Variants in IRF8 observed in about 807,000 individuals in gnomAD.
The protein encoded by IRF8 is interferon regulatory factor 8.
Under a neutral mutation model 48.7 loss-of-function variants are expected in IRF8, and 14 were observed. That is an observed-to-expected ratio of 0.29 (90% confidence interval 0.19 to 0.45). The LOEUF is 0.45. Ranked by LOEUF, IRF8 falls within the 20% of genes least tolerant of loss-of-function variation. The pLI, the probability that IRF8 is intolerant of heterozygous loss-of-function variation, is 1.00. For synonymous variants in IRF8, 278 were observed against 227.3 expected, an observed-to-expected ratio of 1.22 and a Z score of -2.01; for missense variants, 493 against 580.7, an observed-to-expected ratio of 0.85 and a Z score of 1.55.
chr16:85,901,335 G>C (rs962231422), intron 1 of IRF8: 1 of 152,172 alleles, frequency 6.6e-6, no homozygotes, highest in Non-Finnish European at 1.5e-5. Flanking sequence ...TTCAAACCAA[G>C]GTCTAATTTG....
At chr16:85,910,410 C>A (rs187473425) in intron 3 of IRF8, among the ~76,000 whole-genome samples, 1 of 152,268 alleles carries the variant, frequency 6.6e-6, no homozygotes, top group African/African-American at 2.4e-5. Context: ...TAGGAGGAAA[C>A]CTCTATATAA....
In IRF8 at chr16:85,914,492, G is replaced by T. The variant is rs17444416; in HGVS notation, c.573G>T (p.Gly191=). ...QPSTGVPLVT[G]YTTYDAHHSA... ...CTGCAGGCGTGCCGCTGGTGACGGG[G>T]TACACCACCTACGACGCGCACCATT... Residue 191 remains glycine (G), a synonymous_variant, in exon 6 of 9, where the codon GGG becomes GGT. Coordinates refer to ENST00000268638, the MANE Select transcript of IRF8 (RefSeq NM_002163.4). The T allele has an allele frequency of 5.0e-6, 8 of 1,613,986 alleles. No individual in the cohort carries two copies. The African/African-American group carries it at 9.3e-5, about 19-fold the overall frequency.
intron 2 of IRF8, among the ~76,000 whole-genome samples, chr16:85,905,757 G>A (rs768096240): frequency 8.5e-5 from 13 of 152,236 alleles, no homozygotes; most frequent in African/African-American, 1.2e-4. Context: ...TTCCGGTTAT[G>A]TAGACACTTG....
chr16:85,900,208 T>C (rs796864733), intron 1 of IRF8, among the ~76,000 whole-genome samples: 13 of 151,728 alleles, frequency 8.6e-5, no homozygotes, highest in African/African-American at 3.1e-4. Context: ...GGGGAGAGGG[T>C]GGGGTCTGCT....
rs150213417 is a variant in IRF8 at position 85,915,310 on chromosome 16, C to T, written c.601+790C>T. 4.2e-3 allele frequency among the ~76,000 whole-genome samples: 644 copies of T among 152,272 alleles called. 12 individuals carry two copies. The highest frequency in any genetic ancestry group is 0.029 in the Admixed American group (439 of 15,288). On this transcript the variant is annotated intron_variant, in intron 6 of 8. Transcript: ENST00000268638. ...CAGCATTGGCTGGTTCTGTGGGAGG[C>T]GAGCAGCTGGTCTCATCAGATGGGC...
intron 1 of IRF8, among the ~76,000 whole-genome samples, chr16:85,902,191 T>C (rs11649549): frequency 0.2 from 29,811 of 152,048 alleles, 2,992 homozygotes; most frequent in African/African-American, 0.25. Flanking sequence ...GCAGTTTATT[T>C]CCTCACTCTT....
At position 85,921,174 on chromosome 16, in the gene IRF8, G is replaced by A; in HGVS notation, c.1173G>A (p.Met391Ile). Residue 391 changes from methionine (M) to isoleucine (I), a missense_variant, in exon 9 of 9, where the codon ATG (methionine) becomes ATA (isoleucine). Physicochemically the swap from Met to Ile is conservative, Grantham distance 10. Coordinates refer to ENST00000268638, the MANE Select transcript of IRF8 (RefSeq NM_002163.4). The stretch of plus-strand genomic sequence containing the variant: ...AGAGCTGTGGAGCCGGCTCTGTGAT[G>A]CAGGCCCCCGAGGAGCCGCCGCCAG... The part of the protein sequence containing the change: ...AGKSCGAGSV[M>I]QAPEEPPPDQ... 1.2e-6 allele frequency: 2 copies of A among 1,614,164 alleles called. No individual in the cohort carries two copies. Among genetic ancestry groups the A allele is most frequent in the East Asian group, 4.5e-5 (2 of 44,890 alleles).
chr16:85,919,286 T>C (rs1369080055), intron 7 of IRF8, among the ~76,000 whole-genome samples: 1 of 151,658 alleles, frequency 6.6e-6, no homozygotes, highest in African/African-American at 2.4e-5. Flanking sequence ...GTGCTGCCTG[T>C]TAGCTTTCGT....
intron 6 of IRF8, among the ~76,000 whole-genome samples, chr16:85,917,182 G>A (rs1221772934): frequency 6.6e-5 from 10 of 152,194 alleles, no homozygotes; most frequent in Non-Finnish European, 1.2e-4. Flanking sequence ...AACTCTAGGG[G>A]GCGCCGTGGA....
At chr16:85,910,703 A>G (rs1213693269) in intron 3 of IRF8, among the ~76,000 whole-genome samples, 1 of 152,224 alleles carries the variant, frequency 6.6e-6, no homozygotes. Context: ...AATTGCCTAC[A>G]GGGGCCCACT....
rs1452372617 is a variant in IRF8, at chr16:85,918,493, C to T, written c.678C>T (p.Gly226=). Reference sequence around the variant, plus strand: ...AGGCCACCACCACCTGCCCCGAGGGCTGCCGCCTGTCCCTGAGCCAGCCTG... The same window carrying T: ...AGGCCACCACCACCTGCCCCGAGGGTTGCCGCCTGTCCCTGAGCCAGCCTG... The part of the protein sequence containing the change: ...VGQATTTCPE[G]CRLSLSQPGL... Residue 226 remains glycine, a synonymous_variant, in exon 7 of 9, where the codon GGC becomes GGT. Coordinates refer to ENST00000268638, the MANE Select transcript of IRF8 (RefSeq NM_002163.4). 3.1e-6 allele frequency: 5 copies of T among 1,592,856 alleles called. No homozygotes were observed. The highest frequency in any genetic ancestry group is 4.3e-6 in the Non-Finnish European group (5 of 1,175,046).
chr16:85,914,423 G>A (rs1302858936), intron 5 of IRF8, 50 bp from the exon 6 acceptor site: 1 of 1,612,654 alleles, frequency 6.2e-7, no homozygotes, highest in Non-Finnish European at 8.5e-7. Context: ...GTTACTCCCT[G>A]TACACCACAC....
rs1175829379 is a variant in IRF8 at position 85,908,851 on chromosome 16, G to T, written c.175-139G>T. 3.7e-6 allele frequency: 3 copies of T among 804,480 alleles called. No individual in the cohort carries two copies. The African/African-American group carries it at 5.0e-5, about 14-fold the overall frequency. The allele number at this position is 804,480 out of a possible 1,614,324, so 49.8% of individuals were successfully genotyped here. ...CAAGACATCTGATTGGAGTCTCTTT[G>T]GGTCCTGAAATTGAATGAGAGTTGA... On this transcript the variant is annotated intron_variant, in intron 2 of 8. Coordinates refer to ENST00000268638, the MANE Select transcript of IRF8 (RefSeq NM_002163.4).
intron 6 of IRF8, among the ~76,000 whole-genome samples, chr16:85,914,898 T>C (rs977113401): frequency 1.3e-5 from 2 of 152,148 alleles, no homozygotes; most frequent in Admixed American, 1.3e-4. Flanking sequence ...GTGGCCTCTT[T>C]TGAGGCCACT....
intron 2 of IRF8, chr16:85,903,564 C>T (rs899201436): frequency 1.0e-5 from 3 of 295,120 alleles, no homozygotes; most frequent in Non-Finnish European, 6.5e-6. Flanking sequence ...GGTTTCAGTC[C>T]TTGTTCTTTC....
intron 2 of IRF8, among the ~76,000 whole-genome samples, chr16:85,904,810 A>ATTTTTTTTTTTTTTTTTTT (rs1418168585): frequency 1.2e-4 from 8 of 64,624 alleles, no homozygotes; most frequent in Admixed American, 1.0e-3. Flanking sequence ...TTGATTGCAG[A>ATTTTTTTTTTTTTTTTTTT]TCTTTTTTTT....
At position 85,921,306 on chromosome 16, in the gene IRF8, C is replaced by T. The variant is rs989078195; in HGVS notation, c.*24C>T. ...AAGTGCGTCGCTTGGGCGCCCCACC[C>T]CGTCTGCGTCCTGCATCCATCTCCC... On this transcript the variant is annotated 3_prime_UTR_variant, in exon 9 of 9. Coordinates refer to ENST00000268638, the MANE Select transcript of IRF8 (RefSeq NM_002163.4). 1.9e-6 allele frequency: 3 copies of T among 1,609,020 alleles called. No homozygotes were observed. The highest frequency in any genetic ancestry group is 2.7e-5 in the African/African-American group (2 of 74,912).
intron 2 of IRF8, among the ~76,000 whole-genome samples, chr16:85,906,435 A>G (rs1024147146): frequency 2.6e-5 from 4 of 152,184 alleles, no homozygotes; most frequent in African/African-American, 4.8e-5. Flanking sequence ...TGACCTTTTA[A>G]TGCTGGCCAG....
chr16:85,917,418 G>T (rs1460272825), intron 6 of IRF8, among the ~76,000 whole-genome samples: 1 of 152,100 alleles, frequency 6.6e-6, no homozygotes, highest in Non-Finnish European at 1.5e-5. Context: ...GTCACAATTG[G>T]TTTTCACAGC....
Sources: gnomAD v4.1 joint callset for allele counts (sites outside exome capture counted in the v4.1 genomes callset) on GRCh38, gnomAD v4.1.1 for gene constraint, MANE v1.5 for transcripts, NCBI Gene and HGNC (gene_info 2026-07-23, HGNC 2026-07-21) for gene names.